The following KIF1A variants were observed in gnomAD, a reference collection of about 807,000 sequenced individuals.
KIF1A encodes the protein kinesin-like protein KIF1A.
In KIF1A, 46 loss-of-function variants were observed where a neutral mutation model predicts 227.3. The observed-to-expected ratio is 0.20, with a 90% confidence interval of 0.16 to 0.26. The LOEUF is 0.26. Ranked by LOEUF, KIF1A falls within the 10% of genes least tolerant of loss-of-function variation. The pLI, the probability that KIF1A is intolerant of heterozygous loss-of-function variation, is 1.00. For missense variants in KIF1A, 1,683 were observed against 2,485.9 expected, an observed-to-expected ratio of 0.68 and a Z score of 6.87; for synonymous variants, 1,022 against 1,012.8, an observed-to-expected ratio of 1.01 and a Z score of -0.17.
chr2:240,724,235 T>C (rs997633703), intron 40 of KIF1A, 199 bp from the exon 41 acceptor site: 7 of 616,870 alleles, frequency 1.1e-5, no homozygotes, highest in Non-Finnish European at 2.1e-5. Context: ...AAAAGATGCA[T>C]TGGCTGGTCT....
rs868420582 is a variant in KIF1A, at chr2:240,747,761, G to A, written c.2978-440C>T. On this transcript the variant is annotated intron_variant, in intron 28 of 48. Transcript: ENST00000498729. ...ACCTGTCACCTGCCTAGACATTCAAGGGCCACCAACCGCCCCTCCACGCAA... is the reference window on the plus strand; with the variant it reads ...ACCTGTCACCTGCCTAGACATTCAAAGGCCACCAACCGCCCCTCCACGCAA... 1.2e-4 allele frequency among the ~76,000 whole-genome samples: 18 copies of A among 152,282 alleles called. No homozygotes were observed. The Middle Eastern group carries it at 0.02, about 173-fold the overall frequency.
At chr2:240,783,927 C>A (rs2126055287) in intron 7 of KIF1A, 111 bp from the exon 8 acceptor site, 1 of 840,218 alleles carries the variant, frequency 1.2e-6, no homozygotes, top group East Asian at 2.7e-5. Context: ...GCCAAGCGTC[C>A]CCTCTGCAAG....
chr2:240,778,740 C>T lies in KIF1A; in HGVS notation c.883-2814G>A, dbSNP rs540484367. On this transcript the variant is annotated intron_variant, in intron 10 of 48. Coordinates refer to ENST00000498729, the MANE Select transcript of KIF1A (RefSeq NM_001244008.2). This position sits in a 1 kb window ranked among gnomAD's most constrained non-coding sequence, Gnocchi z 7.2. ...ACACTCCCCGACAACCCCTCGCACA[C>T]GTCTCTGCAGCTTTCCTCACGATTC... 1.6e-4 allele frequency among the ~76,000 whole-genome samples: 25 copies of T among 151,890 alleles called. No individual in the cohort carries two copies. The highest frequency in any genetic ancestry group is 6.0e-4 in the African/African-American group (25 of 41,388).
chr2:240,744,927 C>T (rs2048408113), intron 32 of KIF1A, among the ~76,000 whole-genome samples: 1 of 152,176 alleles, frequency 6.6e-6, no homozygotes, highest in South Asian at 2.1e-4. Context: ...CCCAGGAGCC[C>T]AGTTCTCCCG....
chr2:240,811,131 G>A (rs564877822), intron 1 of KIF1A, among the ~76,000 whole-genome samples: 3 of 152,338 alleles, frequency 2.0e-5, no homozygotes, highest in Admixed American at 6.5e-5. Flanking sequence ...GGAGGCCGAG[G>A]TGGGCAGATC....
intron 27 of KIF1A, among the ~76,000 whole-genome samples, chr2:240,753,977 G>A (rs1342456012): frequency 6.6e-6 from 1 of 152,192 alleles, no homozygotes; most frequent in Non-Finnish European, 1.5e-5. Flanking sequence ...CCCACTCTGA[G>A]TGGGCAATTC....
intron 27 of KIF1A, among the ~76,000 whole-genome samples, chr2:240,756,882 G>A (rs555569051): frequency 3.3e-5 from 5 of 152,230 alleles, no homozygotes; most frequent in East Asian, 1.9e-4. Flanking sequence ...ATGACAGGAC[G>A]GGCATCCTGC....
intron 27 of KIF1A, among the ~76,000 whole-genome samples, chr2:240,753,236 CA>C (rs1472383607): frequency 6.6e-6 from 1 of 152,232 alleles, no homozygotes; most frequent in Non-Finnish European, 1.5e-5. Context: ...CACTCTCCCC[CA>C]CTGCCCTGAA....
chr2:240,727,888 C>T (rs1224923853), intron 38 of KIF1A, among the ~76,000 whole-genome samples: 1 of 152,204 alleles, frequency 6.6e-6, no homozygotes, highest in Non-Finnish European at 1.5e-5. Context: ...AGGCCTGGTG[C>T]TCACAGGGAG....
chr2:240,743,396 C>T (rs2048225235), intron 33 of KIF1A, among the ~76,000 whole-genome samples: 1 of 152,204 alleles, frequency 6.6e-6, no homozygotes, highest in Non-Finnish European at 1.5e-5. Context: ...TCTCTGCACT[C>T]GAGGTGCCCA....
At chr2:240,796,335 A>G (rs2056391611) in intron 2 of KIF1A, among the ~76,000 whole-genome samples, 1 of 152,204 alleles carries the variant, frequency 6.6e-6, no homozygotes, top group Admixed American at 6.5e-5. Context: ...TAATGCAGCG[A>G]GCGTTGTTGG....
At chr2:240,717,696 A>G (rs1194935668) in intron 48 of KIF1A, among the ~76,000 whole-genome samples, 1 of 152,224 alleles carries the variant, frequency 6.6e-6, no homozygotes, top group Non-Finnish European at 1.5e-5. Context: ...CCACCGGGTT[A>G]GGATGTAATT....
At chr2:240,718,192 G>C in intron 47 of KIF1A, 24 bp from the exon 48 acceptor site, 1 of 1,499,248 alleles carries the variant, frequency 6.7e-7, no homozygotes, top group Non-Finnish European at 9.2e-7. Context: ...CAGCTGGTGA[G>C]GAGGTGCCAG....
chr2:240,782,755 G>T, intron 9 of KIF1A, 148 bp from the exon 10 acceptor site: 1 of 877,736 alleles, frequency 1.1e-6, no homozygotes, highest in Non-Finnish European at 1.8e-6. Context: ...AGCTCCCCCA[G>T]GCAGGGTCCC....
chr2:240,781,755 C>G, intron 10 of KIF1A: 1 of 985,192 alleles, frequency 1.0e-6, no homozygotes, highest in Non-Finnish European at 1.2e-6. Flanking sequence ...GTTCCCCACA[C>G]AGTTCCCCAC....
chr2:240,730,490 T>G (rs1337523122), intron 38 of KIF1A, among the ~76,000 whole-genome samples: 1 of 152,090 alleles, frequency 6.6e-6, no homozygotes, highest in Non-Finnish European at 1.5e-5. Flanking sequence ...CCTCACTCTA[T>G]CCCACGTGAC....
At position 240,725,485 on chromosome 2, in the gene KIF1A, A is replaced by C; in HGVS notation, c.4123-81T>G. 1 of 1,506,616 alleles carries C rather than the reference A, an allele frequency of 6.6e-7. No homozygotes were observed. The highest frequency in any genetic ancestry group is 9.1e-7 in the Non-Finnish European group (1 of 1,104,126). 93.3% of individuals were successfully genotyped at this position (1,506,616 alleles called of 1,614,324 possible). On this transcript the variant is annotated intron_variant, in intron 39 of 48. Coordinates refer to ENST00000498729, the MANE Select transcript of KIF1A (RefSeq NM_001244008.2). This position sits in a 1 kb window ranked among gnomAD's most constrained non-coding sequence, Gnocchi z 5.8. ...CCTTCCAGCCTTCTCCTGGGGGCAC[A>C]ATGCCCAGCACCGACAGGCAGCCCC...
intron 37 of KIF1A, among the ~76,000 whole-genome samples, chr2:240,738,451 T>G: frequency 6.6e-6 from 1 of 152,118 alleles, no homozygotes; most frequent in South Asian, 2.1e-4. Context: ...CCCATGGCCC[T>G]CTTGGGAGGG....
At chr2:240,780,786 A>ACACG (rs1553637114) in intron 10 of KIF1A, among the ~76,000 whole-genome samples, 2 of 129,286 alleles carry the variant, frequency 1.5e-5, no homozygotes, top group African/African-American at 6.8e-5. Context: ...ACACACACAC[A>ACACG]CACACACAGC....
Sources: gnomAD v4.1 joint callset for allele counts (sites outside exome capture counted in the v4.1 genomes callset) on GRCh38, gnomAD v4.1.1 for gene constraint, Gnocchi (gnomAD v3.1) non-coding constraint, MANE v1.5 for transcripts, NCBI Gene and HGNC (gene_info 2026-07-23, HGNC 2026-07-21) for gene names.